IL16: variants seen among roughly 807,000 people sequenced by gnomAD.
IL16 encodes the protein pro-interleukin-16.
A neutral mutation model predicts 110.1 loss-of-function variants in IL16; 67 were observed. The observed-to-expected ratio is 0.61, with a 90% confidence interval of 0.50 to 0.75. The LOEUF is 0.75. Ranked by LOEUF, IL16 falls within the 30% of genes least tolerant of loss-of-function variation. The probability of loss-of-function intolerance (pLI) is 0.00; values close to 1 mark genes in which losing one functional copy is unlikely to be tolerated. For missense variants in IL16, 1,545 were observed against 1,655.0 expected, an observed-to-expected ratio of 0.93 and a Z score of 1.15; for synonymous variants, 689 against 662.9, an observed-to-expected ratio of 1.04 and a Z score of -0.61.
intron 13 of IL16, among the ~76,000 whole-genome samples, chr15:81,299,016 G>T (rs1900127860): frequency 6.6e-6 from 1 of 152,232 alleles, no homozygotes; most frequent in African/African-American, 2.4e-5. Context: ...TAGTGCAGTA[G>T]AAAGGACATG....
chr15:81,218,126 C>T (rs1455883740), intron 1 of IL16, among the ~76,000 whole-genome samples: 2 of 152,018 alleles, frequency 1.3e-5, no homozygotes, highest in Non-Finnish European at 2.9e-5. Flanking sequence ...TTCAAAATAA[C>T]CTACTGAATA....
chr15:81,251,740 A>G (rs1344999313), intron 2 of IL16, among the ~76,000 whole-genome samples: 1 of 152,238 alleles, frequency 6.6e-6, no homozygotes, highest in Non-Finnish European at 1.5e-5. Context: ...ACTCCTTTCA[A>G]AAATCCCACT....
upstream of IL16, among the ~76,000 whole-genome samples, chr15:81,192,831 G>A (rs1480707590): frequency 2.6e-5 from 4 of 152,194 alleles, no homozygotes; most frequent in African/African-American, 4.8e-5. Context: ...ATGGAGAGAA[G>A]CGGAAAGAAA....
chr15:81,214,993 A>G (rs1953314715), intron 1 of IL16, among the ~76,000 whole-genome samples: 1 of 152,136 alleles, frequency 6.6e-6, no homozygotes, highest in African/African-American at 2.4e-5. Flanking sequence ...GTTCTTTCTT[A>G]AAGTGGCTAT....
At chr15:81,265,869 A>C in intron 4 of IL16, 68 bp downstream of exon 4, 11 of 1,473,508 alleles carry the variant, frequency 7.5e-6, no homozygotes, top group Non-Finnish European at 8.3e-6. Flanking sequence ...CCCAACATTA[A>C]CAGTGGCTGA....
In IL16 at chr15:81,308,886, C is replaced by T; in HGVS notation, c.*88C>T. 2 of 1,217,198 alleles carry T rather than the reference C, an allele frequency of 1.6e-6. No homozygotes were observed. Among genetic ancestry groups the T allele is most frequent in the South Asian group, 1.5e-5 (1 of 66,426 alleles). 75.4% of individuals were successfully genotyped at this position (1,217,198 alleles called of 1,614,324 possible). A position where few individuals can be genotyped will look rare whatever the true frequency, so the allele number is the denominator to read the frequency against. ...ATTCTCAGGGTCTCTGCTGCCGCCC[C>T]ACCCAGATGGGGGAAAGCACAGGTG... On this transcript the variant is annotated 3_prime_UTR_variant, in exon 19 of 19. Transcript: ENST00000683961.
At chr15:81,202,775 C>A (rs1895867677) in intron 1 of IL16, among the ~76,000 whole-genome samples, 1 of 152,164 alleles carries the variant, frequency 6.6e-6, no homozygotes, top group African/African-American at 2.4e-5. Context: ...AATAGTGCCC[C>A]AATAAACATA....
chr15:81,195,382 G>A (rs1419377139), upstream of IL16, among the ~76,000 whole-genome samples: 4 of 152,142 alleles, frequency 2.6e-5, no homozygotes, highest in East Asian at 1.9e-4. Context: ...TGGCCCCACC[G>A]CACCCAGGCC....
At chr15:81,262,849 T>TA (rs1255853456) in intron 3 of IL16, among the ~76,000 whole-genome samples, 8 of 152,214 alleles carry the variant, frequency 5.3e-5, no homozygotes, top group Non-Finnish European at 8.8e-5. Context: ...GAGAATCACT[T>TA]AAACCTGGGA....
At position 81,310,573 on chromosome 15, in the gene IL16, G is replaced by A. The variant is rs1270487008; in HGVS notation, c.*1775G>A. The stretch of plus-strand genomic sequence containing the variant: ...TTGAAGATGAACATAATCTACCAAC[G>A]AAAGACGTGATTCAATTCAACACTC... On this transcript the variant is annotated 3_prime_UTR_variant, in exon 19 of 19. Transcript: ENST00000683961. 3.3e-5 allele frequency: 5 copies of A among 152,138 alleles called. No homozygotes were observed. The highest frequency in any genetic ancestry group is 1.2e-4 in the African/African-American group (5 of 41,420). The allele number at this position is 152,138 out of a possible 1,614,324, so 9.4% of individuals were successfully genotyped here. A position where few individuals can be genotyped will look rare whatever the true frequency, so the allele number is the denominator to read the frequency against.
chr15:81,206,605 A>G (rs1470790960), intron 1 of IL16, among the ~76,000 whole-genome samples: 3 of 152,182 alleles, frequency 2.0e-5, no homozygotes, highest in African/African-American at 7.2e-5. Flanking sequence ...CAACAAATAA[A>G]AATAAGACAC....
chr15:81,238,831 T>TTTG (rs1339726127), intron 2 of IL16, among the ~76,000 whole-genome samples: 2 of 151,364 alleles, frequency 1.3e-5, no homozygotes, highest in African/African-American at 4.9e-5. Flanking sequence ...CTTTTAGTTT[T>TTTG]TTTTTTTTTT....
In IL16 at chr15:81,292,832, G is replaced by A; in HGVS notation, c.1697G>A (p.Ser566Asn). 1 of 1,613,900 alleles carries A rather than the reference G, an allele frequency of 6.2e-7. No individual in the cohort carries two copies. The highest frequency in any genetic ancestry group is 8.5e-7 in the Non-Finnish European group (1 of 1,179,990). The part of the protein sequence containing the change: ...SIASSRLPQE[S>N]PPLPESRDSH... ...GCATCCTCCAGGCTGCCCCAGGAGAGCCCACCCCTCCCAGAGAGCCGGGAC... is the reference window on the plus strand; with the variant it reads ...GCATCCTCCAGGCTGCCCCAGGAGAACCCACCCCTCCCAGAGAGCCGGGAC... The change falls in exon 12 of 19, where the codon AGC (serine) becomes AAC (asparagine). Residue 566 changes from serine to asparagine, a missense_variant. Coordinates refer to ENST00000683961, the MANE Select transcript of IL16 (RefSeq NM_172217.5).
chr15:81,248,831 C>T (rs1897665162), intron 2 of IL16, among the ~76,000 whole-genome samples: 1 of 151,262 alleles, frequency 6.6e-6, no homozygotes, highest in African/African-American at 2.4e-5. Flanking sequence ...AGCCGTTCTC[C>T]TGCCTCAGCC....
In IL16 at chr15:81,265,818, G is replaced by C; in HGVS notation, c.564+17G>C. 6.2e-7 allele frequency: 1 copy of C among 1,603,470 alleles called. No homozygotes were observed. The highest frequency in any genetic ancestry group is 1.1e-5 in the South Asian group (1 of 89,446). On this transcript the variant is annotated intron_variant, in intron 4 of 18. Coordinates refer to ENST00000683961, the MANE Select transcript of IL16 (RefSeq NM_172217.5). Reference sequence around the variant, plus strand: ...AAGGCTGCGGTAAGAATGGAAGGAGGGAAACTCAGAGAAGAGTTTCTCCCG... The same window carrying C: ...AAGGCTGCGGTAAGAATGGAAGGAGCGAAACTCAGAGAAGAGTTTCTCCCG...
rs763701961 is a variant in IL16, at chr15:81,299,719, G to A, written c.2393G>A (p.Gly798Asp). Residue 798 changes from glycine (G) to aspartate (D), a missense_variant, in exon 14 of 19, where the codon GGT (glycine) becomes GAT (aspartate). Coordinates refer to ENST00000683961, the MANE Select transcript of IL16 (RefSeq NM_172217.5). Reference protein sequence around the residue: ...KPAWFRQSLKGLRNRASDPRG... With the variant: ...KPAWFRQSLKDLRNRASDPRG... ...GCCTGGTTTCGCCAAAGCTTGAAAGGTTTGAGGAATCGTGCTTCAGACCCA... is the reference window on the plus strand; with the variant it reads ...GCCTGGTTTCGCCAAAGCTTGAAAGATTTGAGGAATCGTGCTTCAGACCCA... 3.1e-6 allele frequency: 5 copies of A among 1,614,238 alleles called. No homozygotes were observed. The South Asian group carries it at 5.5e-5, about 18-fold the overall frequency.
chr15:81,253,585 A>G (rs974512979), intron 2 of IL16, among the ~76,000 whole-genome samples: 1 of 152,192 alleles, frequency 6.6e-6, no homozygotes, highest in Non-Finnish European at 1.5e-5. Flanking sequence ...AGACTTTTAT[A>G]GTATTAGCTC....
intron 9 of IL16, among the ~76,000 whole-genome samples, chr15:81,285,004 A>G (rs1899377347): frequency 6.6e-6 from 1 of 151,922 alleles, no homozygotes. Context: ...CTGCAACTCA[A>G]TTTCCCTATC....
In IL16 at chr15:81,232,426, A is replaced by C. The variant is rs192045163; in HGVS notation, c.312+6715A>C. On this transcript the variant is annotated intron_variant, in intron 2 of 18. Transcript: ENST00000683961. ...TTGTCTCATTCCTAATCTCAAGGGG[A>C]AAGTTTCATTATTATTATGTCTGTA... Among the ~76,000 whole-genome samples the C allele has an allele frequency of 9.0e-4, 137 of 152,198 alleles. 1 individual carries two copies. Among genetic ancestry groups the C allele is most frequent in the African/African-American group, 3.2e-3 (133 of 41,508 alleles).
Sources: gnomAD v4.1 joint callset for allele counts (sites outside exome capture counted in the v4.1 genomes callset) on GRCh38, gnomAD v4.1.1 for gene constraint, MANE v1.5 for transcripts, NCBI Gene and HGNC (gene_info 2026-07-23, HGNC 2026-07-21) for gene names.